The following LNX1 variants were observed in gnomAD, a reference collection of about 807,000 sequenced individuals.
LNX1 encodes the protein ligand of numb-protein X 1.
A neutral mutation model predicts 68.4 loss-of-function variants in LNX1; 54 were observed. The ratio of observed to expected loss-of-function variants is 0.79; its 90% CI spans 0.63 to 0.99. LNX1 has a LOEUF of 0.99. Among genes scored for constraint, LNX1 ranks in the 50% least tolerant of loss-of-function variants. LNX1 has a pLI of 0.00. For missense variants in LNX1, 906 were observed against 926.4 expected (o/e 0.98, Z 0.29); for synonymous variants, 336 against 350.0 (o/e 0.96, Z 0.45).
chr4:53,534,545 G>C (rs182064589), intron 2 of LNX1, among the ~76,000 whole-genome samples: 2 of 152,292 alleles, frequency 1.3e-5, no homozygotes, highest in East Asian at 3.9e-4. Context: ...AGAAGGCTGA[G>C]GTGGGAGGAT....
chr4:53,605,312 T>C (rs1379564961), intron 2 of LNX1, among the ~76,000 whole-genome samples: 1 of 152,188 alleles, frequency 6.6e-6, no homozygotes, highest in African/African-American at 2.4e-5. Context: ...CTTTAAACAT[T>C]GTACAAATTT....
At chr4:53,552,403 G>C (rs1251747342) in intron 2 of LNX1, among the ~76,000 whole-genome samples, 2 of 152,160 alleles carry the variant, frequency 1.3e-5, no homozygotes, top group Non-Finnish European at 2.9e-5. Flanking sequence ...TTTTTAAAGT[G>C]GGAAGGAGAT....
At chr4:53,647,624 T>C (rs1339798898) in intron 1 of LNX1, among the ~76,000 whole-genome samples, 1 of 152,242 alleles carries the variant, frequency 6.6e-6, no homozygotes, top group East Asian at 1.9e-4. Flanking sequence ...ACACATAACA[T>C]GAAACTTGCC....
chr4:53,618,445 G>A (rs369692642), upstream of LNX1, among the ~76,000 whole-genome samples: 2 of 152,154 alleles, frequency 1.3e-5, no homozygotes, highest in East Asian at 3.8e-4. Context: ...TGTTTTTGCA[G>A]GTGGCTTTCT....
upstream of LNX1, among the ~76,000 whole-genome samples, chr4:53,620,275 C>CAATTTTGCATTATAT (rs778136362): frequency 1.3e-5 from 2 of 152,150 alleles, no homozygotes; most frequent in African/African-American, 2.4e-5. Context: ...TCACAGGTTA[C>CAATTTTGCATTATAT]AATTTTGCAT....
intron 2 of LNX1, among the ~76,000 whole-genome samples, chr4:53,599,625 T>G (rs1732905286): frequency 6.6e-6 from 1 of 152,202 alleles, no homozygotes; most frequent in Non-Finnish European, 1.5e-5. Flanking sequence ...TCTTGGGGTC[T>G]GGATCGGGAC....
At chr4:53,551,194 C>T (rs566171619) in intron 2 of LNX1, among the ~76,000 whole-genome samples, 8 of 152,200 alleles carry the variant, frequency 5.3e-5, no homozygotes, top group Admixed American at 2.0e-4. Flanking sequence ...TAACTCTTAC[C>T]GCTTTTGGCA....
intron 9 of LNX1, among the ~76,000 whole-genome samples, chr4:53,470,635 A>C (rs1723091511): frequency 6.6e-6 from 1 of 152,212 alleles, no homozygotes; most frequent in Admixed American, 6.5e-5. Context: ...AAGCAACTTC[A>C]GCAAAGTCTC....
In LNX1 at chr4:53,559,114, G is replaced by A. The variant is rs146626340; in HGVS notation, c.380+14509C>T. Among the ~76,000 whole-genome samples the A allele has an allele frequency of 4.0e-4, 61 of 152,268 alleles. No homozygotes were observed. The East Asian group carries it at 0.011, about 27-fold the overall frequency. On this transcript the variant is annotated intron_variant, in intron 2 of 10. Transcript: ENST00000263925. ...CATTAATGACAGCCAAGCCATGATA[G>A]CAAACTCCACTCCACAGGAAGTAGA... is the stretch of plus-strand genomic sequence containing the variant.
chr4:53,542,981 T>C (rs1460960925), intron 2 of LNX1, among the ~76,000 whole-genome samples: 1 of 152,194 alleles, frequency 6.6e-6, no homozygotes, highest in Non-Finnish European at 1.5e-5. Flanking sequence ...TAGGAATCAT[T>C]AGCACTTCAT....
intron 2 of LNX1, among the ~76,000 whole-genome samples, chr4:53,526,724 C>T (rs1428227659): frequency 6.6e-6 from 1 of 151,866 alleles, no homozygotes; most frequent in African/African-American, 2.4e-5. Context: ...AAGAGCCTTT[C>T]CTTCAGGCTC....
In LNX1 at chr4:53,584,073, A is replaced by C. The variant is rs185135922; in HGVS notation, c.-87+7315T>G. On this transcript the variant is annotated intron_variant, in intron 1 of 10. Transcript: ENST00000263925. Reference sequence around the variant, plus strand: ...AAGAGCTGATATCAGAGGGGTATGGAAAAGAAGCAAACTGACATTCTTTCA... The same window carrying C: ...AAGAGCTGATATCAGAGGGGTATGGCAAAGAAGCAAACTGACATTCTTTCA... Among the ~76,000 whole-genome samples the C allele has an allele frequency of 2.2e-3, 341 of 152,360 alleles. 1 individual carries two copies. Among genetic ancestry groups the C allele is most frequent in the African/African-American group, 7.8e-3 (324 of 41,586 alleles).
In LNX1 at chr4:53,496,361, TG is replaced by T. The variant is rs1251434307; in HGVS notation, c.1011del (p.His337GlnfsTer17). 27 of 1,613,528 alleles carry T rather than the reference TG, an allele frequency of 1.7e-5. No individual in the cohort carries two copies. The highest frequency in any genetic ancestry group is 2.2e-5 in the Non-Finnish European group (26 of 1,179,584). Reference protein sequence around the residue: ...VNGMDISNVPHNYAVRLLRQP... With the variant: ...VNGMDISNVPXNYAVRLLRQP... Reference sequence around the variant, plus strand: ...TGCCGCAGGAGACGCACAGCGTAGTTGTGAGGGACATTGCTGATGTCCATCC... The same window carrying T: ...TGCCGCAGGAGACGCACAGCGTAGTTTGAGGGACATTGCTGATGTCCATCC... On this transcript the variant is annotated frameshift_variant, in exon 6 of 11. Coordinates refer to ENST00000263925, the MANE Select transcript of LNX1 (RefSeq NM_001126328.3). LOFTEE classifies it high-confidence loss of function.
intron 2 of LNX1, among the ~76,000 whole-genome samples, chr4:53,608,821 G>T (rs1013997045): frequency 2.3e-4 from 35 of 152,126 alleles, no homozygotes; most frequent in African/African-American, 8.2e-4. Context: ...AACATGGAGA[G>T]AGCTGGAGGC....
intron 2 of LNX1, among the ~76,000 whole-genome samples, chr4:53,532,921 C>T (rs775794557): frequency 5.9e-5 from 9 of 152,170 alleles, no homozygotes; most frequent in Non-Finnish European, 7.4e-5. Context: ...CTCTGGGAGC[C>T]TGCTAGGCTG....
At chr4:53,556,903 T>TTA (rs1729951872) in intron 2 of LNX1, among the ~76,000 whole-genome samples, 1 of 152,174 alleles carries the variant, frequency 6.6e-6, no homozygotes, top group Non-Finnish European at 1.5e-5. Context: ...TGAACTCTAT[T>TTA]TAAAGTCTCT....
At chr4:53,578,396 G>A (rs955247791) in intron 1 of LNX1, among the ~76,000 whole-genome samples, 7 of 152,120 alleles carry the variant, frequency 4.6e-5, no homozygotes, top group South Asian at 2.1e-4. Context: ...TGGCTCTTAC[G>A]CTGCAAACCT....
intron 2 of LNX1, among the ~76,000 whole-genome samples, chr4:53,602,655 TG>T (rs1733064342): frequency 6.6e-6 from 1 of 152,052 alleles, no homozygotes. Flanking sequence ...GCTGAGGAGA[TG>T]GGGAGTGGAG....
chr4:53,543,416 A>G (rs577945889), intron 2 of LNX1, among the ~76,000 whole-genome samples: 1 of 152,196 alleles, frequency 6.6e-6, no homozygotes, highest in African/African-American at 2.4e-5. Context: ...TACACATTTG[A>G]TAAGTATTTG....
Sources: allele counts gnomAD v4.1 joint callset (sites outside exome capture counted in the v4.1 genomes callset), GRCh38; gene constraint gnomAD v4.1.1; transcripts MANE v1.5; gene names NCBI Gene and HGNC (gene_info 2026-07-23, HGNC 2026-07-21).